Variants in BFAR observed in about 807,000 individuals in gnomAD.
BFAR encodes RING finger protein 47.
Under a neutral mutation model 54.4 loss-of-function variants are expected in BFAR, and 52 were observed. That is an observed-to-expected ratio of 0.96 (90% CI 0.77 to 1.21). BFAR has a LOEUF of 1.21. Among genes scored for constraint, BFAR ranks in the 50% most tolerant of loss-of-function variants. The pLI is 0.00. For missense variants in BFAR, 571 were observed against 534.0 expected (o/e 1.07, Z -0.68); for synonymous variants, 215 against 204.3 (o/e 1.05, Z -0.45).
intron 3 of BFAR, among the ~76,000 whole-genome samples, chr16:14,649,051 G>T (rs1484607724): frequency 6.9e-6 from 1 of 145,112 alleles, no homozygotes; most frequent in African/African-American, 2.5e-5. Flanking sequence ...TGAATTTTAT[G>T]TGGATTACAT....
chr16:14,662,155 G>A, intron 6 of BFAR, 90 bp downstream of exon 6: 2 of 1,461,508 alleles, frequency 1.4e-6, no homozygotes, highest in East Asian at 4.5e-5. Context: ...TGTTTCTTCA[G>A]TTTGACCCAT....
Position 14,668,991 on chromosome 16 carries a change from A to C in BFAR, c.*1164A>C. 2.2e-6 allele frequency: 1 copy of C among 446,486 alleles called. No homozygotes were observed. Among genetic ancestry groups the C allele is most frequent in the South Asian group, 1.6e-5 (1 of 62,760 alleles). 27.7% of individuals were successfully genotyped at this position (446,486 alleles called of 1,614,324 possible). A position where few individuals can be genotyped will look rare whatever the true frequency, so the allele number is the denominator to read the frequency against. On this transcript the variant is annotated 3_prime_UTR_variant, in exon 8 of 8. Transcript: ENST00000261658. ...AATTACACCAAGCGCTATAGTTATA[A>C]ATATGGCATGAAGTGAACTATGGCC...
intron 1 of BFAR, among the ~76,000 whole-genome samples, chr16:14,634,092 T>C (rs1192271552): frequency 6.6e-6 from 1 of 152,190 alleles, no homozygotes; most frequent in Non-Finnish European, 1.5e-5. Flanking sequence ...TAGACGCTGT[T>C]AAGCCCTCAA....
chr16:14,648,579 T>C lies in BFAR; in HGVS notation c.455T>C (p.Leu152Ser). 2 of 1,613,570 alleles carry C rather than the reference T, an allele frequency of 1.2e-6. No individual in the cohort carries two copies. Among genetic ancestry groups the C allele is most frequent in the Non-Finnish European group, 1.7e-6 (2 of 1,179,532 alleles). ...TTCTTTTCCGGTGTGCTCACAGCTT[T>C]AACTGGAGTGGCAGTAAGTTGATCA... ...GGFFSGVLTA[L>S]TGVAVVLLVY... The change falls in exon 3 of 8, where the codon TTA becomes TCA. Residue 152 changes from leucine to serine, a missense_variant. Physicochemically the swap from Leu to Ser is moderately radical, Grantham distance 145 (BLOSUM62 -2). Transcript: ENST00000261658.
intron 5 of BFAR, among the ~76,000 whole-genome samples, chr16:14,657,102 CAAAT>C (rs1311950172): frequency 1.3e-5 from 2 of 151,736 alleles, no homozygotes; most frequent in Non-Finnish European, 2.9e-5. Context: ...GACACTGTCT[CAAAT>C]GAAGAAAGAA....
chr16:14,635,914 G>A (rs1959419417), intron 1 of BFAR, among the ~76,000 whole-genome samples: 1 of 152,146 alleles, frequency 6.6e-6, no homozygotes, highest in African/African-American at 2.4e-5. Context: ...ACAGGCATGA[G>A]CCACTGCCCC....
intron 4 of BFAR, among the ~76,000 whole-genome samples, chr16:14,652,500 G>C (rs1482364988): frequency 2.0e-5 from 3 of 150,898 alleles, no homozygotes; most frequent in Non-Finnish European, 3.0e-5. Context: ...AGGCTGGTCT[G>C]AAACTCCTGA....
chr16:14,665,692 C>T (rs939422370), intron 7 of BFAR, among the ~76,000 whole-genome samples: 5 of 152,104 alleles, frequency 3.3e-5, no homozygotes, highest in East Asian at 1.9e-4. Context: ...GCAGGATTTA[C>T]GTGATGTACG....
At position 14,665,089 on chromosome 16, in the gene BFAR, G is replaced by A. The variant is rs746578749; in HGVS notation, c.1160+18G>A. 6.3e-7 allele frequency: 1 copy of A among 1,588,130 alleles called. No individual in the cohort carries two copies. Among genetic ancestry groups the A allele is most frequent in the Non-Finnish European group, 8.6e-7 (1 of 1,156,846 alleles). On this transcript the variant is annotated intron_variant, in intron 7 of 7. Coordinates refer to ENST00000261658, the MANE Select transcript of BFAR (RefSeq NM_016561.3). ...GAACTGAAGTAAGTATGTTTTAATG[G>A]TTGTCACAACAGGGGATGGGAAAGA...
At chr16:14,649,070 CTTTTTTTTT>C (rs544187036) in intron 3 of BFAR, among the ~76,000 whole-genome samples, 6 of 104,490 alleles carry the variant, frequency 5.7e-5, no homozygotes, top group African/African-American at 2.3e-4. Context: ...ATCTCTTGCT[CTTTTTTTTT>C]TTTTTTTTTT....
chr16:14,641,913 C>T (rs978598556), intron 1 of BFAR, among the ~76,000 whole-genome samples: 5 of 152,174 alleles, frequency 3.3e-5, no homozygotes, highest in African/African-American at 1.2e-4. Context: ...GTAGACTTAC[C>T]ATGTGCCAGG....
chr16:14,649,241 A>G (rs1297181899), intron 3 of BFAR, among the ~76,000 whole-genome samples: 4 of 151,738 alleles, frequency 2.6e-5, no homozygotes, highest in Non-Finnish European at 5.9e-5. Flanking sequence ...ACAAGAGGCT[A>G]ATTTTTGTGT....
chr16:14,641,014 C>T (rs778519292), intron 1 of BFAR, among the ~76,000 whole-genome samples: 2 of 152,210 alleles, frequency 1.3e-5, no homozygotes, highest in Admixed American at 6.5e-5. Context: ...CTCTTCAGTT[C>T]TAAGGTGTTC....
intron 1 of BFAR, among the ~76,000 whole-genome samples, chr16:14,640,651 G>A (rs903741292): frequency 1.3e-5 from 2 of 152,306 alleles, no homozygotes; most frequent in Non-Finnish European, 2.9e-5. Flanking sequence ...TCCAGGACAC[G>A]GAAGATGGAT....
chr16:14,633,663 T>C (rs1199507205), intron 1 of BFAR, among the ~76,000 whole-genome samples: 1 of 152,114 alleles, frequency 6.6e-6, no homozygotes, highest in African/African-American at 2.4e-5. Flanking sequence ...TTCTTTTTTT[T>C]CTTTTTAGAG....
intron 1 of BFAR, 88 bp from the exon 2 acceptor site, chr16:14,644,186 G>C: frequency 2.8e-6 from 2 of 724,796 alleles, no homozygotes; most frequent in Non-Finnish European, 4.4e-6. Flanking sequence ...AAAAATTAGC[G>C]CTTCAATAGA....
In BFAR at chr16:14,655,075, A is replaced by C. The variant is rs1401162383; in HGVS notation, c.648A>C (p.Leu216Phe). The C allele has an allele frequency of 6.2e-7, 1 of 1,605,780 alleles. No homozygotes were observed. Among genetic ancestry groups the C allele is most frequent in the South Asian group, 1.1e-5 (1 of 89,244 alleles). The part of the protein sequence containing the change: ...LSERVNGRLL[L>F]TLTEEEFSKT... ...TCCTGCCCCTCTACAGGTTGCTTTTAACTTTGACAGAGGAAGAATTTTCCA... is the reference window on the plus strand; with the variant it reads ...TCCTGCCCCTCTACAGGTTGCTTTTCACTTTGACAGAGGAAGAATTTTCCA... The change falls in exon 5 of 8, where the codon TTA becomes TTC. Residue 216 changes from leucine (L) to phenylalanine (F), a missense_variant. Transcript: ENST00000261658.
intron 6 of BFAR, 121 bp from the exon 7 acceptor site, chr16:14,664,748 C>T (rs970996086): frequency 7.6e-6 from 7 of 924,422 alleles, no homozygotes; most frequent in Non-Finnish European, 1.2e-5. Context: ...GATCCGCCCA[C>T]CTAGGCCTCC....
chr16:14,656,178 G>C (rs1327681154), intron 5 of BFAR, among the ~76,000 whole-genome samples: 2 of 152,204 alleles, frequency 1.3e-5, no homozygotes, highest in Non-Finnish European at 2.9e-5. Flanking sequence ...TGGCAGCCTA[G>C]GGGACAGAGC....
Sources: allele counts gnomAD v4.1 joint callset (sites outside exome capture counted in the v4.1 genomes callset), GRCh38; gene constraint gnomAD v4.1.1; transcripts MANE v1.5; gene names NCBI Gene and HGNC (gene_info 2026-07-23, HGNC 2026-07-21).